The following GALNT17 variants were observed in gnomAD, a reference collection of about 807,000 sequenced individuals.
GALNT17 encodes the protein UDP-GalNAc:polypeptide N-acetylgalactosaminyltransferase-like 3.
Under a neutral mutation model 63.7 loss-of-function variants are expected in GALNT17, and 29 were observed. The ratio of observed to expected loss-of-function variants is 0.46; its 90% CI spans 0.34 to 0.62. The LOEUF (loss-of-function observed/expected upper bound fraction) is 0.62. GALNT17 is among the 20% of genes least tolerant of loss of function. The pLI, the probability that GALNT17 is intolerant of heterozygous loss-of-function variation, is 0.01. For missense variants in GALNT17, 603 were observed against 799.6 expected, an observed-to-expected ratio of 0.75 and a Z score of 2.97; for synonymous variants, 305 against 318.3, an observed-to-expected ratio of 0.96 and a Z score of 0.45.
chr7:71,465,525 C>T (rs10225288), intron 5 of GALNT17, among the ~76,000 whole-genome samples: 6,467 of 152,244 alleles, frequency 0.042, 244 homozygotes, highest in African/African-American at 0.1. Flanking sequence ...TTTCTACATG[C>T]GTGTTTCTAT....
At chr7:71,142,173 A>G (rs1029658653) in intron 1 of GALNT17, among the ~76,000 whole-genome samples, 4 of 152,094 alleles carry the variant, frequency 2.6e-5, no homozygotes, top group Non-Finnish European at 5.9e-5. Context: ...CGGGGCCCTC[A>G]GGAGATATTT....
intron 9 of GALNT17, among the ~76,000 whole-genome samples, chr7:71,701,828 C>CGTATATATATGTGTATATATATATATAT (rs1791643460): frequency 4.0e-4 from 4 of 9,922 alleles, no homozygotes; most frequent in African/African-American, 1.0e-3. Context: ...CATATATATA[C>CGTATATATATGTGTATATATATATATAT]ACATATATAT....
chr7:71,484,231 T>TA (rs1280872911), intron 5 of GALNT17, among the ~76,000 whole-genome samples: 6 of 152,316 alleles, frequency 3.9e-5, no homozygotes, highest in Admixed American at 1.3e-4. Flanking sequence ...CTCATGCCTA[T>TA]AATCCCAACA....
intron 4 of GALNT17, among the ~76,000 whole-genome samples, chr7:71,420,674 C>G (rs1267114105): frequency 6.6e-6 from 1 of 152,156 alleles, no homozygotes; most frequent in Non-Finnish European, 1.5e-5. Context: ...AGGCATCACT[C>G]TAGTGATTCC....
At chr7:71,222,490 C>T (rs1265182130) in intron 1 of GALNT17, among the ~76,000 whole-genome samples, 1 of 151,982 alleles carries the variant, frequency 6.6e-6, no homozygotes, top group Non-Finnish European at 1.5e-5. Flanking sequence ...CAAGGTTTCT[C>T]CATGTTGTCC....
rs1353640703 is a variant in GALNT17 at position 71,554,904 on chromosome 7, G to C, written c.963-16381G>C. Reference sequence around the variant, plus strand: ...GCATTGCTCTAAAAGAATATCTGAGGCTGGATAATTTATAAAGAAAAGAGG... The same window carrying C: ...GCATTGCTCTAAAAGAATATCTGAGCCTGGATAATTTATAAAGAAAAGAGG... On this transcript the variant is annotated intron_variant, in intron 5 of 10. Transcript: ENST00000333538. 3.3e-5 allele frequency among the ~76,000 whole-genome samples: 5 copies of C among 152,290 alleles called. No homozygotes were observed. The East Asian group carries it at 9.7e-4, about 29-fold the overall frequency.
In GALNT17 at chr7:71,370,841, A is replaced by G. The variant is rs1175411647; in HGVS notation, c.423-17394A>G. Among the ~76,000 whole-genome samples, 3 of 152,026 alleles carry G rather than the reference A, an allele frequency of 2.0e-5. No homozygotes were observed. In the East Asian group the frequency reaches 5.8e-4, roughly 29 times the overall value. On this transcript the variant is annotated intron_variant, in intron 2 of 10. Coordinates refer to ENST00000333538, the MANE Select transcript of GALNT17 (RefSeq NM_022479.3). ...GGCTGGTCTCGAACTTCTGGCCTCA[A>G]GTGATCCTCCTGCCTCAGCCTCCCA...
chr7:71,247,873 G>T (rs1402816869), intron 1 of GALNT17, among the ~76,000 whole-genome samples: 1 of 152,190 alleles, frequency 6.6e-6, no homozygotes, highest in East Asian at 1.9e-4. Flanking sequence ...CTAGAGAAAA[G>T]AAAATGTTTT....
intron 10 of GALNT17, 95 bp from the exon 11 acceptor site, chr7:71,711,923 C>T: frequency 2.2e-6 from 3 of 1,346,796 alleles, no homozygotes; most frequent in South Asian, 1.3e-5. Context: ...TTGTCATTTT[C>T]TCTCTCCTGT....
chr7:71,420,188 G>A (rs539273900), intron 4 of GALNT17, among the ~76,000 whole-genome samples: 18 of 152,264 alleles, frequency 1.2e-4, no homozygotes, highest in African/African-American at 3.9e-4. Flanking sequence ...TGTCTCCTAA[G>A]CCAGTCGGGC....
intron 1 of GALNT17, among the ~76,000 whole-genome samples, chr7:71,195,763 C>T (rs1285635525): frequency 6.6e-6 from 1 of 151,954 alleles, no homozygotes; most frequent in Non-Finnish European, 1.5e-5. Flanking sequence ...TGCCCAGGCT[C>T]ATCTGGAACT....
intron 5 of GALNT17, among the ~76,000 whole-genome samples, chr7:71,453,163 G>A (rs1269294034): frequency 6.6e-6 from 1 of 152,102 alleles, no homozygotes; most frequent in African/African-American, 2.4e-5. Context: ...AATTTCAGTT[G>A]CGAGTGGCTG....
intron 6 of GALNT17, among the ~76,000 whole-genome samples, chr7:71,632,447 G>T (rs1218042908): frequency 2.6e-5 from 4 of 152,214 alleles, no homozygotes; most frequent in Non-Finnish European, 4.4e-5. Flanking sequence ...GGCAGTAGGT[G>T]CTCTGATGGG....
At chr7:71,252,695 G>A (rs1053650775) in intron 1 of GALNT17, among the ~76,000 whole-genome samples, 5 of 152,168 alleles carry the variant, frequency 3.3e-5, no homozygotes, top group Non-Finnish European at 2.9e-5. Flanking sequence ...ATGTGTGAAA[G>A]GAAAATACAA....
chr7:71,488,577 T>C (rs978237229), intron 5 of GALNT17, among the ~76,000 whole-genome samples: 1 of 145,532 alleles, frequency 6.9e-6, no homozygotes, highest in Non-Finnish European at 1.5e-5. Flanking sequence ...TGCCCTTCTT[T>C]TTTTTTTTTT....
At chr7:71,292,666 AGAGTGTGTGTGTGTGT>A (rs1373370062) in intron 1 of GALNT17, among the ~76,000 whole-genome samples, 38 of 117,078 alleles carry the variant, frequency 3.2e-4, no homozygotes, top group East Asian at 1.7e-3. Context: ...AGAGAGAGAG[AGAGTGTGTGTGTGTGT>A]GTGTGTGTGT....
intron 1 of GALNT17, among the ~76,000 whole-genome samples, chr7:71,144,388 G>A (rs1294928604): frequency 1.3e-5 from 2 of 152,162 alleles, no homozygotes. Context: ...TGGGCCCTCA[G>A]CATGTCCAGA....
intron 1 of GALNT17, among the ~76,000 whole-genome samples, chr7:71,176,337 A>G (rs1161903676): frequency 6.6e-6 from 1 of 152,096 alleles, no homozygotes; most frequent in Non-Finnish European, 1.5e-5. Context: ...AGATCTCAAA[A>G]TATTGCTGTG....
chr7:71,310,963 G>T (rs1209716200), intron 1 of GALNT17, among the ~76,000 whole-genome samples: 1 of 152,204 alleles, frequency 6.6e-6, no homozygotes, highest in African/African-American at 2.4e-5. Flanking sequence ...CTGCTTTGCA[G>T]GAGGTAACAC....
Sources: allele counts gnomAD v4.1 joint callset (sites outside exome capture counted in the v4.1 genomes callset), GRCh38; gene constraint gnomAD v4.1.1; transcripts MANE v1.5; gene names NCBI Gene and HGNC (gene_info 2026-07-23, HGNC 2026-07-21).